The following ACAD11 variants were observed in gnomAD, a reference collection of about 807,000 sequenced individuals.
The protein encoded by ACAD11 is acyl-Coenzyme A dehydrogenase family, member 11.
A neutral mutation model predicts 102.2 loss-of-function variants in ACAD11; 83 were observed. The ratio of observed to expected loss-of-function variants is 0.81; its 90% confidence interval spans 0.68 to 0.97. The LOEUF (loss-of-function observed/expected upper bound fraction) is 0.97, where lower values mean the gene tolerates loss of function less well. Among genes scored for constraint, ACAD11 ranks in the 50% least tolerant of loss-of-function variants. The pLI is 0.00. For missense variants in ACAD11, 901 were observed against 951.7 expected (o/e 0.95, Z 0.70); for synonymous variants, 324 against 319.8 (o/e 1.01, Z -0.14).
intron 13 of ACAD11, among the ~76,000 whole-genome samples, chr3:132,596,056 C>G (rs1023808245): frequency 2.6e-5 from 4 of 151,936 alleles, no homozygotes; most frequent in African/African-American, 9.7e-5. Flanking sequence ...ATAGACTGGA[C>G]AAAGAAAATG....
At chr3:132,589,327 A>G (rs1271903865) in intron 13 of ACAD11, among the ~76,000 whole-genome samples, 3 of 152,222 alleles carry the variant, frequency 2.0e-5, no homozygotes, top group Admixed American at 2.0e-4. Context: ...GCAGATGACA[A>G]TACTTACCTT....
chr3:132,639,965 T>C (rs1940423251), intron 4 of ACAD11, among the ~76,000 whole-genome samples: 1 of 150,634 alleles, frequency 6.6e-6, no homozygotes. Context: ...AAAGAATGCA[T>C]ACAAACACAC....
At chr3:132,652,243 T>A (rs181775551) in intron 1 of ACAD11, among the ~76,000 whole-genome samples, 18 of 152,272 alleles carry the variant, frequency 1.2e-4, no homozygotes, top group Admixed American at 1.1e-3. Flanking sequence ...AATGGAGAGT[T>A]CCCCTGTACA....
chr3:132,575,492 A>C (rs1325658834), intron 17 of ACAD11, among the ~76,000 whole-genome samples: 2 of 152,168 alleles, frequency 1.3e-5, no homozygotes, highest in Non-Finnish European at 2.9e-5. Context: ...AGGGAGCTCT[A>C]ATGTTCCAGG....
Position 132,631,327 on chromosome 3 carries a change from T to C in ACAD11, c.841+14A>G, listed in dbSNP as rs377492955. On this transcript the variant is annotated intron_variant, in intron 6 of 19. Coordinates refer to ENST00000264990, the MANE Select transcript of ACAD11 (RefSeq NM_032169.5). ...TATATTAATAGCAATTTAGACAACA[T>C]TATGTTTTTATACCTGAGTTTTCAC... is the stretch of plus-strand genomic sequence containing the variant. The C allele has an allele frequency of 6.4e-6, 9 of 1,396,468 alleles. No individual in the cohort carries two copies. The African/African-American group carries it at 1.2e-4, about 18-fold the overall frequency. 86.5% of individuals were successfully genotyped at this position (1,396,468 alleles called of 1,614,324 possible). A position where few individuals can be genotyped will look rare whatever the true frequency, so the allele number is the denominator to read the frequency against.
chr3:132,646,923 G>A (rs774707303), intron 1 of ACAD11, among the ~76,000 whole-genome samples: 43 of 152,138 alleles, frequency 2.8e-4, no homozygotes, highest in Non-Finnish European at 4.4e-4. Flanking sequence ...TAGATTAGTA[G>A]CAGCCAGGGA....
chr3:132,559,198 C>A, intron 19 of ACAD11, 113 bp from the exon 20 acceptor site: 1 of 786,010 alleles, frequency 1.3e-6, no homozygotes, highest in Non-Finnish European at 2.1e-6. Context: ...TAAATTCCAC[C>A]AAGGTCAGGG....
intron 1 of ACAD11, among the ~76,000 whole-genome samples, chr3:132,658,603 T>C (rs1425903950): frequency 1.3e-5 from 2 of 152,260 alleles, no homozygotes. Flanking sequence ...ACAAGGCTTC[T>C]AGCCTAGAAA....
Position 132,566,081 on chromosome 3 carries a change from A to C in ACAD11, c.2002-4864T>G, listed in dbSNP as rs112804661. On this transcript the variant is annotated intron_variant, in intron 17 of 19. Coordinates refer to ENST00000264990, the MANE Select transcript of ACAD11 (RefSeq NM_032169.5). ...CAGTGAGCAGTTACAAACACAGCTG[A>C]AGCAATTGAAAAAATAGAAAGCCTC... is the stretch of plus-strand genomic sequence containing the variant. Among the ~76,000 whole-genome samples the C allele has an allele frequency of 4.0e-3, 612 of 152,316 alleles. 6 individuals are homozygous for C. The highest frequency in any genetic ancestry group is 0.012 in the African/African-American group (505 of 41,568).
rs2107828046 is a variant in ACAD11, at chr3:132,605,402, T to C, written c.1415-197A>G. Among the ~76,000 whole-genome samples the C allele has an allele frequency of 1.3e-5, 2 of 152,380 alleles. 1 individual carries two copies. The highest frequency in any genetic ancestry group is 4.1e-4 in the South Asian group (2 of 4,832). ...TTACAAGTACAGGGCATTTGGTGCA[T>C]ATTTATTCAACTTGTTCTGAATCAC... is the stretch of plus-strand genomic sequence containing the variant. On this transcript the variant is annotated intron_variant, in intron 11 of 19. Transcript: ENST00000264990.
In ACAD11 at chr3:132,628,259, C is replaced by CCTA; in HGVS notation, c.1070+78_1070+80dup. On this transcript the variant is annotated intron_variant, in intron 8 of 19. Transcript: ENST00000264990. ...CCTGGTGTATGCAATAAAAATAATC[C>CCTA]CTACTCCCCTAAAGTGTATAACCTT... The CCTA allele has an allele frequency of 1.6e-5, 14 of 856,012 alleles. 1 individual carries two copies. In the South Asian group the frequency reaches 2.3e-4, roughly 14 times the overall value. 53.0% of individuals were successfully genotyped at this position (856,012 alleles called of 1,614,324 possible).
At position 132,618,658 on chromosome 3, in the gene ACAD11, C is replaced by A. The variant is rs1468376261; in HGVS notation, c.1390G>T (p.Asp464Tyr). The A allele has an allele frequency of 2.5e-6, 4 of 1,605,406 alleles. No individual in the cohort carries two copies. Among genetic ancestry groups the A allele is most frequent in the Non-Finnish European group, 3.4e-6 (4 of 1,176,660 alleles). The change falls in exon 11 of 20, where the codon GAT (aspartate) becomes TAT (tyrosine). Residue 464 changes from aspartate (D) to tyrosine (Y), a missense_variant. By Grantham distance (160) the Asp-to-Tyr change is radical (BLOSUM62 -3). Transcript: ENST00000264990. ...EETGKCFFAP[D>Y]VFNCQAPDTG... ...CCTGGTGCTTGGCAGTTAAAGACAT[C>A]TGGAGCAAAAAAGCATTTTCCTGTT...
intron 11 of ACAD11, among the ~76,000 whole-genome samples, chr3:132,606,317 C>T (rs970099489): frequency 1.3e-5 from 2 of 152,212 alleles, no homozygotes; most frequent in Non-Finnish European, 2.9e-5. Context: ...CACAGCTTAA[C>T]ATTCTTTTTG....
rs1937262284 is a variant in ACAD11, at chr3:132,567,970, C to G, written c.2002-6753G>C. Among the ~76,000 whole-genome samples, 5 of 150,278 alleles carry G rather than the reference C, an allele frequency of 3.3e-5. No individual in the cohort carries two copies. The Admixed American group carries it at 3.3e-4, about 10-fold the overall frequency. ...ATGATTATCTATGTAAAATCCCAAG[C>G]AATCTACAAAAAACTCCTAGAACTA... On this transcript the variant is annotated intron_variant, in intron 17 of 19. Coordinates refer to ENST00000264990, the MANE Select transcript of ACAD11 (RefSeq NM_032169.5).
chr3:132,626,687 T>G lies in ACAD11; in HGVS notation c.1197+4A>C. The G allele has an allele frequency of 6.2e-7, 1 of 1,613,284 alleles. No homozygotes were observed. The highest frequency in any genetic ancestry group is 8.5e-7 in the Non-Finnish European group (1 of 1,179,868). ...GAAATACATTCTGCTTATATAATAC[T>G]CACCTTTTCAGCTGGAAGAATGTGT... On this transcript the variant is annotated splice_donor_region_variant and intron_variant, in intron 9 of 19. Transcript: ENST00000264990.
intron 4 of ACAD11, among the ~76,000 whole-genome samples, chr3:132,641,408 A>G (rs1940490055): frequency 1.3e-5 from 2 of 151,976 alleles, no homozygotes; most frequent in Admixed American, 1.3e-4. Context: ...GCAGGGCGTG[A>G]TGGCGGGAGC....
chr3:132,645,463 A>T (rs1940682311), intron 1 of ACAD11, among the ~76,000 whole-genome samples: 1 of 152,208 alleles, frequency 6.6e-6, no homozygotes. Flanking sequence ...ACACCAGGGC[A>T]TTGACTTTCC....
chr3:132,588,834 ATTGT>A (rs575889189), intron 13 of ACAD11, among the ~76,000 whole-genome samples: 17 of 152,260 alleles, frequency 1.1e-4, no homozygotes, highest in African/African-American at 3.9e-4. Context: ...AAATTTTCAA[ATTGT>A]TTATCATTGT....
chr3:132,602,889 G>T (rs932272072), intron 13 of ACAD11, among the ~76,000 whole-genome samples: 1 of 152,072 alleles, frequency 6.6e-6, no homozygotes. Context: ...GTCAACTTCC[G>T]CCACCCGGGG....
Sources: allele counts gnomAD v4.1 joint callset (sites outside exome capture counted in the v4.1 genomes callset), GRCh38; gene constraint gnomAD v4.1.1; transcripts MANE v1.5; gene names NCBI Gene and HGNC (gene_info 2026-07-23, HGNC 2026-07-21).